APLF: variants seen among roughly 807,000 people sequenced by gnomAD.
APLF encodes aprataxin and PNK-like factor.
In APLF, 61 loss-of-function variants were observed where a neutral mutation model predicts 55.6. The observed-to-expected ratio is 1.10, with a 90% CI of 0.89 to 1.36. The LOEUF (loss-of-function observed/expected upper bound fraction) is 1.36, where lower values mean the gene tolerates loss of function less well. APLF is among the 40% of genes most tolerant of loss of function. The pLI is 0.00. For synonymous variants in APLF, 207 were observed against 214.8 expected, an observed-to-expected ratio of 0.96 and a Z score of 0.32; for missense variants, 611 against 602.5, an observed-to-expected ratio of 1.01 and a Z score of -0.15.
intron 1 of APLF, among the ~76,000 whole-genome samples, chr2:68,469,464 A>T (rs900027999): frequency 6.6e-6 from 1 of 152,186 alleles, no homozygotes; most frequent in African/African-American, 2.4e-5. Context: ...ATCTGTTTTT[A>T]AAAATGGTAA....
intron 6 of APLF, chr2:68,528,444 G>T: frequency 1.3e-6 from 2 of 1,533,984 alleles, no homozygotes; most frequent in Non-Finnish European, 1.7e-6. Context: ...CACCTCAGTT[G>T]CAGGGGAGGG....
chr2:68,502,110 A>T (rs775945348), intron 2 of APLF, among the ~76,000 whole-genome samples: 4 of 152,164 alleles, frequency 2.6e-5, no homozygotes, highest in Non-Finnish European at 5.9e-5. Context: ...CGAGATAATG[A>T]ATCCACTCTT....
At chr2:68,546,105 A>C (rs1670695793) in intron 8 of APLF, among the ~76,000 whole-genome samples, 1 of 152,148 alleles carries the variant, frequency 6.6e-6, no homozygotes, top group African/African-American at 2.4e-5. Flanking sequence ...TTCTAGGACC[A>C]GAAAGGAGAA....
chr2:68,525,120 T>C (rs145785325), intron 5 of APLF, among the ~76,000 whole-genome samples: 15,097 of 151,980 alleles, frequency 0.099, 903 homozygotes, highest in African/African-American at 0.16. Flanking sequence ...ATGGTGAAAC[T>C]CTGTCTCTAC....
At position 68,515,721 on chromosome 2, in the gene APLF, G is replaced by C. The variant is rs80339515; in HGVS notation, c.622+2041G>C. Reference sequence around the variant, plus strand: ...GCTAAAGCTTCAAAATAAGATAGAAGAGTCTTTGGATTCAGGTAATCTTTT... The same window carrying C: ...GCTAAAGCTTCAAAATAAGATAGAACAGTCTTTGGATTCAGGTAATCTTTT... On this transcript the variant is annotated intron_variant, in intron 5 of 9. Transcript: ENST00000303795. 435 of 983,562 alleles carry C rather than the reference G, an allele frequency of 4.4e-4. 1 individual carries two copies. The African/African-American group carries it at 6.7e-3, about 15-fold the overall frequency. 60.9% of individuals were successfully genotyped at this position (983,562 alleles called of 1,614,324 possible). A position where few individuals can be genotyped will look rare whatever the true frequency, so the allele number is the denominator to read the frequency against.
At chr2:68,515,516 C>T (rs767217635) in intron 5 of APLF, 2 of 899,050 alleles carry the variant, frequency 2.2e-6, no homozygotes, top group Non-Finnish European at 2.7e-6. Flanking sequence ...GCAACTGCTT[C>T]TGTGCTACTG....
chr2:68,531,206 A>G (rs964491669), intron 6 of APLF: 7 of 152,226 alleles, frequency 4.6e-5, no homozygotes, highest in Admixed American at 3.9e-4. Context: ...TATTGGAAGT[A>G]CTTAAAAAGA....
intron 8 of APLF, among the ~76,000 whole-genome samples, chr2:68,564,817 A>G (rs1029165631): frequency 6.6e-6 from 1 of 152,078 alleles, no homozygotes; most frequent in African/African-American, 2.4e-5. Flanking sequence ...ACTTCATAAG[A>G]AAGAGGGTGT....
intron 8 of APLF, among the ~76,000 whole-genome samples, chr2:68,556,189 T>G (rs1671003298): frequency 6.6e-6 from 1 of 152,142 alleles, no homozygotes; most frequent in Admixed American, 6.6e-5. Flanking sequence ...CAATGGGCTT[T>G]GGGAACTTGG....
At chr2:68,509,566 C>A (rs1226625666) in intron 3 of APLF, among the ~76,000 whole-genome samples, 9 of 152,118 alleles carry the variant, frequency 5.9e-5, no homozygotes. Context: ...AGTCAGGAAA[C>A]AACAGGTGCT....
rs1049256341 is a variant in APLF at position 68,467,678 on chromosome 2, C to A, written c.-54C>A. The stretch of plus-strand genomic sequence containing the variant: ...TTGCCCCGCGCGTGTCTGTGGAGGG[C>A]GGAAACAGCGGAGGGGCCAGTCTCC... On this transcript the variant is annotated 5_prime_UTR_variant, in exon 1 of 10. Transcript: ENST00000303795. 6.6e-6 allele frequency: 8 copies of A among 1,213,628 alleles called. No homozygotes were observed. The African/African-American group carries it at 1.2e-4, about 19-fold the overall frequency. 75.2% of individuals were successfully genotyped at this position (1,213,628 alleles called of 1,614,324 possible). A position where few individuals can be genotyped will look rare whatever the true frequency, so the allele number is the denominator to read the frequency against.
chr2:68,567,725 A>C (rs1441061520), intron 9 of APLF, among the ~76,000 whole-genome samples: 1 of 152,046 alleles, frequency 6.6e-6, no homozygotes, highest in Non-Finnish European at 1.5e-5. Flanking sequence ...TAGATAAGCT[A>C]TATTGCTTTG....
chr2:68,568,381 A>G (rs1271614625), intron 9 of APLF: 1 of 870,602 alleles, frequency 1.1e-6, no homozygotes, highest in Non-Finnish European at 1.4e-6. Flanking sequence ...ATTTCACTGT[A>G]AGGGAATTCC....
At chr2:68,562,094 G>A (rs1213119821) in intron 8 of APLF, among the ~76,000 whole-genome samples, 1 of 151,932 alleles carries the variant, frequency 6.6e-6, no homozygotes, top group Non-Finnish European at 1.5e-5. Context: ...TTGTGATAAG[G>A]TAGATGAACC....
Position 68,513,669 on chromosome 2 carries a change from C to T in APLF, c.611C>T (p.Ala204Val), listed in dbSNP as rs1669483387. The T allele has an allele frequency of 1.2e-6, 2 of 1,610,606 alleles. No homozygotes were observed. Among genetic ancestry groups the T allele is most frequent in the African/African-American group, 1.3e-5 (1 of 74,710 alleles). ...AGTGATCAAAACCTTTCAGTACCAG[C>T]AATCAGTGGAGGTAGGTTTTTGTTT... Reference protein sequence around the residue: ...HLSDQNLSVPAISGGNVIQGS... With the variant: ...HLSDQNLSVPVISGGNVIQGS... The change falls in exon 5 of 10, where the codon GCA becomes GTA. Residue 204 changes from alanine to valine, a missense_variant. Physicochemically the swap from Ala to Val is moderately conservative, Grantham distance 64. Transcript: ENST00000303795.
chr2:68,530,362 T>G (rs555136819), intron 6 of APLF, among the ~76,000 whole-genome samples: 2 of 152,292 alleles, frequency 1.3e-5, no homozygotes, highest in South Asian at 4.1e-4. Context: ...TGGGCTCCAG[T>G]CCTCTACAAA....
chr2:68,478,721 GA>G (rs541977571), intron 1 of APLF, among the ~76,000 whole-genome samples: 61 of 148,712 alleles, frequency 4.1e-4, no homozygotes, highest in East Asian at 7.8e-4. Context: ...CCCTACTCTG[GA>G]AAAAAAAAAT....
intron 8 of APLF, among the ~76,000 whole-genome samples, chr2:68,564,894 TTGGTTTTTGAATTAAAAC>T (rs1671257909): frequency 6.6e-6 from 1 of 152,140 alleles, no homozygotes; most frequent in Admixed American, 6.6e-5. Context: ...CACTCTTTTC[TTGGTTTTTGAATTAAAAC>T]TGTTGTCCAA....
intron 5 of APLF, among the ~76,000 whole-genome samples, chr2:68,524,190 A>G (rs763221967): frequency 6.6e-6 from 1 of 152,186 alleles, no homozygotes; most frequent in African/African-American, 2.4e-5. Context: ...ACTCAGTCCT[A>G]TTAAGTCCTG....
Sources: gnomAD v4.1 joint callset for allele counts (sites outside exome capture counted in the v4.1 genomes callset) on GRCh38, gnomAD v4.1.1 for gene constraint, MANE v1.5 for transcripts, NCBI Gene and HGNC (gene_info 2026-07-23, HGNC 2026-07-21) for gene names.